Variants in GPRIN3 observed in about 807,000 individuals in gnomAD.
The protein encoded by GPRIN3 is G protein-regulated inducer of neurite outgrowth 3.
In GPRIN3, 12 loss-of-function variants were observed where a neutral mutation model predicts 13.7. The ratio of observed to expected loss-of-function variants is 0.87; its 90% CI spans 0.56 to 1.42. The LOEUF (loss-of-function observed/expected upper bound fraction) is 1.42. GPRIN3 is among the 40% of genes most tolerant of loss of function. GPRIN3 has a pLI of 0.00. For missense variants in GPRIN3, 1,009 were observed against 958.7 expected (o/e 1.05, Z -0.69); for synonymous variants, 377 against 372.7 (o/e 1.01, Z -0.13).
intron 1 of GPRIN3, among the ~76,000 whole-genome samples, chr4:89,299,430 G>C (rs1724833476): frequency 6.6e-6 from 1 of 152,124 alleles, no homozygotes; most frequent in Non-Finnish European, 1.5e-5. Context: ...AAGTTGACAA[G>C]GCATGAGAGA....
At chr4:89,253,925 G>A (rs533928379) in intron 1 of GPRIN3, among the ~76,000 whole-genome samples, 7 of 152,172 alleles carry the variant, frequency 4.6e-5, no homozygotes, top group Non-Finnish European at 1.0e-4. Context: ...CTGACTGGCA[G>A]AAATCTATGG....
At chr4:89,282,587 T>C (rs1030707411) in intron 1 of GPRIN3, among the ~76,000 whole-genome samples, 5 of 140,176 alleles carry the variant, frequency 3.6e-5, no homozygotes, top group African/African-American at 1.5e-4. Context: ...TATGTGATTT[T>C]TTTGCAATTT....
At chr4:89,264,985 T>G (rs1408401545) in intron 1 of GPRIN3, among the ~76,000 whole-genome samples, 1 of 152,212 alleles carries the variant, frequency 6.6e-6, no homozygotes, top group Non-Finnish European at 1.5e-5. Flanking sequence ...TAATAAGCTC[T>G]CAGCAAACAT....
chr4:89,289,244 G>A (rs566491227), intron 1 of GPRIN3, among the ~76,000 whole-genome samples: 8 of 150,844 alleles, frequency 5.3e-5, no homozygotes, highest in African/African-American at 1.2e-4. Flanking sequence ...TAATAAGTGC[G>A]GGCCAGATAT....
intron 1 of GPRIN3, among the ~76,000 whole-genome samples, chr4:89,251,643 C>G (rs1416608304): frequency 6.6e-6 from 1 of 152,178 alleles, no homozygotes; most frequent in Non-Finnish European, 1.5e-5. Flanking sequence ...TAACTTTTCA[C>G]ATGGAAGAGA....
chr4:89,271,496 T>C (rs982972836), intron 1 of GPRIN3, among the ~76,000 whole-genome samples: 2 of 152,320 alleles, frequency 1.3e-5, no homozygotes, highest in Admixed American at 1.3e-4. Context: ...GTATTTTACA[T>C]TTTTTCTAGA....
Position 89,237,098 on chromosome 4 carries a change from A to G in GPRIN3, c.*10682T>C, listed in dbSNP as rs1464073875. The G allele has an allele frequency of 6.6e-6, 1 of 152,172 alleles. No individual in the cohort carries two copies. The highest frequency in any genetic ancestry group is 1.5e-5 in the Non-Finnish European group (1 of 68,030). The allele number at this position is 152,172 out of a possible 1,614,324, so 9.4% of individuals were successfully genotyped here. A position where few individuals can be genotyped will look rare whatever the true frequency, so the allele number is the denominator to read the frequency against. On this transcript the variant is annotated 3_prime_UTR_variant, in exon 2 of 2. Transcript: ENST00000609438. The stretch of plus-strand genomic sequence containing the variant: ...CGTCAAGCGGGACTAAAAAAGGTGT[A>G]GGGAAATACCATTCTTGAGATGCCA...
chr4:89,255,145 GT>G (rs1200189739), intron 1 of GPRIN3, among the ~76,000 whole-genome samples: 2 of 152,160 alleles, frequency 1.3e-5, no homozygotes, highest in Non-Finnish European at 2.9e-5. Context: ...CTGACATTGT[GT>G]TTAAGAACAT....
intron 1 of GPRIN3, among the ~76,000 whole-genome samples, chr4:89,278,889 G>T (rs567902100): frequency 1.8e-4 from 28 of 152,306 alleles, no homozygotes; most frequent in African/African-American, 6.0e-4. Context: ...ATGGAAGCAG[G>T]TTCAAAGAGG....
At chr4:89,271,090 G>A (rs1200938020) in intron 1 of GPRIN3, among the ~76,000 whole-genome samples, 1 of 152,040 alleles carries the variant, frequency 6.6e-6, no homozygotes, top group East Asian at 1.9e-4. Context: ...TTATGATGTG[G>A]GAACATATTT....
chr4:89,262,703 G>A lies in GPRIN3; in HGVS notation c.-123-12470C>T, dbSNP rs75760207. On this transcript the variant is annotated intron_variant, in intron 1 of 1. Transcript: ENST00000609438. The stretch of plus-strand genomic sequence containing the variant: ...TGAGTAGTTTTCAAAGTCAACAGCT[G>A]AGAAATGCTTTTTAAAGTAATGTCT... 8.8e-3 allele frequency among the ~76,000 whole-genome samples: 1,340 copies of A among 152,296 alleles called. 11 individuals are homozygous for A. The highest frequency in any genetic ancestry group is 0.013 in the Non-Finnish European group (906 of 68,022).
intron 1 of GPRIN3, among the ~76,000 whole-genome samples, chr4:89,283,321 A>G (rs774044536): frequency 6.6e-5 from 10 of 152,214 alleles, no homozygotes; most frequent in Non-Finnish European, 1.5e-4. Flanking sequence ...GCTCACATCC[A>G]CTGGGCAGAA....
intron 1 of GPRIN3, among the ~76,000 whole-genome samples, chr4:89,271,276 A>G (rs1723942696): frequency 6.6e-6 from 1 of 152,188 alleles, no homozygotes; most frequent in Non-Finnish European, 1.5e-5. Flanking sequence ...ATAGCTAGTA[A>G]GAAATACTGC....
Position 89,261,942 on chromosome 4 carries a change from T to C in GPRIN3, c.-123-11709A>G, listed in dbSNP as rs923827077. Among the ~76,000 whole-genome samples the C allele has an allele frequency of 7.9e-5, 12 of 151,418 alleles. No individual in the cohort carries two copies. In the East Asian group the frequency reaches 2.3e-3, roughly 29 times the overall value. On this transcript the variant is annotated intron_variant, in intron 1 of 1. Coordinates refer to ENST00000609438, the MANE Select transcript of GPRIN3 (RefSeq NM_198281.3). ...GCCTGGGCAACATGGTGAAACCCCG[T>C]CTCTACTAAAAATACACACACACAC...
At chr4:89,298,044 TCTCA>T (rs1425312830) in intron 1 of GPRIN3, among the ~76,000 whole-genome samples, 1 of 152,148 alleles carries the variant, frequency 6.6e-6, no homozygotes, top group African/African-American at 2.4e-5. Flanking sequence ...ATAATGTCAC[TCTCA>T]CTCATTTCAC....
In GPRIN3 at chr4:89,243,308, G is replaced by C. The variant is rs1347352927; in HGVS notation, c.*4472C>G. ...ATCCTTAAGCCCATGTGTCTGGACAGATGACATTTGTAATTGCTCAGCCAG... is the reference window on the plus strand; with the variant it reads ...ATCCTTAAGCCCATGTGTCTGGACACATGACATTTGTAATTGCTCAGCCAG... On this transcript the variant is annotated 3_prime_UTR_variant, in exon 2 of 2. Transcript: ENST00000609438. The C allele has an allele frequency of 2.0e-5, 3 of 152,158 alleles. No homozygotes were observed. Among genetic ancestry groups the C allele is most frequent in the Non-Finnish European group, 4.4e-5 (3 of 68,026 alleles). 9.4% of individuals were successfully genotyped at this position (152,158 alleles called of 1,614,324 possible).
chr4:89,300,419 G>C (rs1198112376), intron 1 of GPRIN3, among the ~76,000 whole-genome samples: 1 of 152,142 alleles, frequency 6.6e-6, no homozygotes, highest in Non-Finnish European at 1.5e-5. Flanking sequence ...CTCCAGCCTA[G>C]AGAATGTGGG....
intron 1 of GPRIN3, among the ~76,000 whole-genome samples, chr4:89,270,394 CCAGA>C (rs1408163683): frequency 6.6e-6 from 1 of 151,322 alleles, no homozygotes; most frequent in South Asian, 2.1e-4. Flanking sequence ...ATCAAAGTTG[CCAGA>C]CAAATGTATA....
rs1723104397 is a variant in GPRIN3 at position 89,246,494 on chromosome 4, G to C, written c.*1286C>G. The C allele has an allele frequency of 6.6e-6, 1 of 152,160 alleles. No individual in the cohort carries two copies. Among genetic ancestry groups the C allele is most frequent in the African/African-American group, 2.4e-5 (1 of 41,428 alleles). The allele number at this position is 152,160 out of a possible 1,614,324, so 9.4% of individuals were successfully genotyped here. On this transcript the variant is annotated 3_prime_UTR_variant, in exon 2 of 2. Transcript: ENST00000609438. ...TCTTCTGGAGACACGGGAGGGCCAAGGTCCCAGGAAGTATAATCCACCCAA... is the reference window on the plus strand; with the variant it reads ...TCTTCTGGAGACACGGGAGGGCCAACGTCCCAGGAAGTATAATCCACCCAA...
Sources: gnomAD v4.1 joint callset for allele counts (sites outside exome capture counted in the v4.1 genomes callset) on GRCh38, gnomAD v4.1.1 for gene constraint, MANE v1.5 for transcripts, NCBI Gene and HGNC (gene_info 2026-07-23, HGNC 2026-07-21) for gene names.